The following CTDSPL2 variants were observed in gnomAD, a reference collection of about 807,000 sequenced individuals.
CTDSPL2 encodes the protein CTD small phosphatase-like protein 2.
In CTDSPL2, 5 loss-of-function variants were observed where a neutral mutation model predicts 60.0. The ratio of observed to expected loss-of-function variants is 0.08; its 90% CI spans 0.04 to 0.18. CTDSPL2 has a LOEUF of 0.18. CTDSPL2 is among the 10% of genes least tolerant of loss of function. The probability of loss-of-function intolerance (pLI) is 1.00; values close to 1 mark genes in which losing one functional copy is unlikely to be tolerated. For missense variants in CTDSPL2, 370 were observed against 548.8 expected, an observed-to-expected ratio of 0.67 and a Z score of 3.26; for synonymous variants, 186 against 189.3, an observed-to-expected ratio of 0.98 and a Z score of 0.14.
intron 12 of CTDSPL2, among the ~76,000 whole-genome samples, chr15:44,522,349 ATATAT>A (rs1231562727): frequency 3.3e-5 from 5 of 152,138 alleles, no homozygotes; most frequent in African/African-American, 1.2e-4. Flanking sequence ...TTCAGACTTT[ATATAT>A]TATATTAACA....
intron 2 of CTDSPL2, among the ~76,000 whole-genome samples, chr15:44,479,921 C>T (rs1357079658): frequency 6.6e-6 from 1 of 152,030 alleles, no homozygotes; most frequent in African/African-American, 2.4e-5. Flanking sequence ...TTATGTAGTT[C>T]AGGGTATCTC....
rs183536107 is a variant in CTDSPL2, at chr15:44,509,695, C to T, written c.970-4903C>T. 1.6e-3 allele frequency among the ~76,000 whole-genome samples: 246 copies of T among 151,870 alleles called. 3 individuals carry two copies. Among genetic ancestry groups the T allele is most frequent in the Non-Finnish European group, 2.4e-4 (16 of 67,964 alleles). ...GGTGCGGTGGCTCATGCCTATAATC[C>T]CAGGACTTTGGGAGGCCAAGGCAGG... On this transcript the variant is annotated intron_variant, in intron 8 of 12. Transcript: ENST00000260327.
intron 1 of CTDSPL2, among the ~76,000 whole-genome samples, chr15:44,455,327 T>C (rs1466468168): frequency 2.6e-5 from 4 of 152,164 alleles, no homozygotes; most frequent in African/African-American, 7.2e-5. Flanking sequence ...TGGGCTGAGA[T>C]GATGGGGTTT....
chr15:44,447,331 G>A (rs577863682), intron 1 of CTDSPL2, among the ~76,000 whole-genome samples: 83 of 152,158 alleles, frequency 5.5e-4, no homozygotes, highest in Non-Finnish European at 1.0e-3. Flanking sequence ...TATTTTTCCA[G>A]CAACTGGTAT....
chr15:44,507,084 GT>G (rs796951341), intron 8 of CTDSPL2, among the ~76,000 whole-genome samples: 13 of 137,868 alleles, frequency 9.4e-5, no homozygotes, highest in South Asian at 2.3e-4. Context: ...TTTGTTTTTT[GT>G]TTTTTTTTTT....
At chr15:44,470,665 CT>C (rs2140738002) in intron 2 of CTDSPL2, 1 of 152,254 alleles carries the variant, frequency 6.6e-6, no homozygotes, top group South Asian at 2.1e-4. Context: ...CCAGCCTGGT[CT>C]TGAACTCCTG....
chr15:44,445,931 C>G (rs146328331), intron 1 of CTDSPL2, among the ~76,000 whole-genome samples: 5 of 148,598 alleles, frequency 3.4e-5, no homozygotes, highest in Non-Finnish European at 7.4e-5. Context: ...GCCACTGTGC[C>G]TGGCCTTTTT....
intron 1 of CTDSPL2, among the ~76,000 whole-genome samples, chr15:44,458,355 TGA>T (rs1417008503): frequency 6.6e-6 from 1 of 152,242 alleles, no homozygotes; most frequent in Non-Finnish European, 1.5e-5. Context: ...ACCTATAAAA[TGA>T]GAGAGCTCAA....
intron 2 of CTDSPL2, among the ~76,000 whole-genome samples, chr15:44,483,526 A>G (rs2081067630): frequency 6.6e-6 from 1 of 151,980 alleles, no homozygotes; most frequent in South Asian, 2.1e-4. Context: ...CAACAGAGGA[A>G]AAACTCTGTC....
In CTDSPL2 at chr15:44,496,429, C is replaced by T. The variant is rs1039485057; in HGVS notation, c.741C>T (p.Thr247=). The T allele has an allele frequency of 6.2e-7, 1 of 1,613,854 alleles. No individual in the cohort carries two copies. The highest frequency in any genetic ancestry group is 8.5e-7 in the Non-Finnish European group (1 of 1,179,830). Residue 247 remains threonine (T), a synonymous_variant, in exon 6 of 13, where the codon ACC becomes ACT. Transcript: ENST00000260327. ...SGYSSAHAEA[T]YEEDWEVFDP... is the part of the protein sequence containing the mutation. ...ATTCATCAGCCCACGCGGAGGCCAC[C>T]TATGAAGAAGACTGGGAAGTATTTG...
At chr15:44,488,280 A>G (rs889705717) in intron 4 of CTDSPL2, among the ~76,000 whole-genome samples, 1 of 152,168 alleles carries the variant, frequency 6.6e-6, no homozygotes, top group African/African-American at 2.4e-5. Context: ...AGGTAGAACA[A>G]TTAGTAGACT....
At chr15:44,499,688 A>G in intron 7 of CTDSPL2, 39 bp from the exon 8 acceptor site, 1 of 1,183,546 alleles carries the variant, frequency 8.4e-7, no homozygotes, top group East Asian at 2.4e-5. Flanking sequence ...AGTTTCTTTT[A>G]CTATCTTGTT....
At chr15:44,465,217 C>G (rs1043596365) in intron 2 of CTDSPL2, among the ~76,000 whole-genome samples, 3 of 152,128 alleles carry the variant, frequency 2.0e-5, no homozygotes, top group Non-Finnish European at 4.4e-5. Flanking sequence ...TCGTGTGCAG[C>G]CTTTCTGCTT....
intron 5 of CTDSPL2, among the ~76,000 whole-genome samples, chr15:44,492,249 T>C (rs1032082293): frequency 6.6e-6 from 1 of 152,122 alleles, no homozygotes; most frequent in African/African-American, 2.4e-5. Context: ...AGTGGGAGGA[T>C]TGCTTGAGCC....
intron 2 of CTDSPL2, among the ~76,000 whole-genome samples, chr15:44,469,419 A>G (rs903747281): frequency 6.6e-6 from 1 of 152,064 alleles, no homozygotes; most frequent in African/African-American, 2.4e-5. Context: ...TAGAACATTA[A>G]TTTTACACTA....
intron 1 of CTDSPL2, chr15:44,448,536 C>T: frequency 3.6e-6 from 1 of 281,320 alleles, no homozygotes; most frequent in Non-Finnish European, 7.0e-6. Flanking sequence ...GTGATCTTCC[C>T]TATCCTAAGT....
rs2081838888 is a variant in CTDSPL2 at position 44,524,321 on chromosome 15, G to T, written c.*147G>T. The T allele has an allele frequency of 3.1e-6, 2 of 645,074 alleles. No individual in the cohort carries two copies. The highest frequency in any genetic ancestry group is 1.8e-5 in the South Asian group (1 of 55,636). The allele number at this position is 645,074 out of a possible 1,614,324, so 40.0% of individuals were successfully genotyped here. A position where few individuals can be genotyped will look rare whatever the true frequency, so the allele number is the denominator to read the frequency against. On this transcript the variant is annotated 3_prime_UTR_variant, in exon 13 of 13. Coordinates refer to ENST00000260327, the MANE Select transcript of CTDSPL2 (RefSeq NM_016396.3). The stretch of plus-strand genomic sequence containing the variant: ...CTTTGGTGCCCAATAATAATTAAGG[G>T]TTACAGAAAGAGACTTTATCTATCT...
intron 1 of CTDSPL2, among the ~76,000 whole-genome samples, chr15:44,456,097 G>A (rs1468982010): frequency 9.9e-5 from 15 of 151,796 alleles, no homozygotes; most frequent in Non-Finnish European, 1.9e-4. Flanking sequence ...TGATCCACCC[G>A]CCTCGGCCTC....
At chr15:44,452,281 T>C (rs2080348331) in intron 1 of CTDSPL2, among the ~76,000 whole-genome samples, 1 of 152,212 alleles carries the variant, frequency 6.6e-6, no homozygotes, top group East Asian at 1.9e-4. Context: ...ATAAAAATTC[T>C]TTTTAATGAT....
Sources: gnomAD v4.1 joint callset for allele counts (sites outside exome capture counted in the v4.1 genomes callset) on GRCh38, gnomAD v4.1.1 for gene constraint, MANE v1.5 for transcripts, NCBI Gene and HGNC (gene_info 2026-07-23, HGNC 2026-07-21) for gene names.